Variants in ZNF541 observed in about 807,000 individuals in gnomAD.
ZNF541 encodes zinc finger protein 541.
ZNF541 carries 23 observed loss-of-function variants against 123.5 expected under a neutral mutation model. That is an observed-to-expected ratio of 0.19 (90% CI 0.13 to 0.26). The LOEUF (loss-of-function observed/expected upper bound fraction) is 0.26. ZNF541 is among the 10% of genes least tolerant of loss of function. ZNF541 has a pLI of 1.00. For missense variants in ZNF541, 1,612 were observed against 1,789.9 expected, an observed-to-expected ratio of 0.90 and a Z score of 1.79; for synonymous variants, 751 against 754.5, an observed-to-expected ratio of 1.00 and a Z score of 0.08.
At chr19:47,537,537 C>G (rs1036795800) in intron 9 of ZNF541, among the ~76,000 whole-genome samples, 3 of 141,904 alleles carry the variant, frequency 2.1e-5, no homozygotes, top group African/African-American at 8.2e-5. Context: ...GCACTCTGGC[C>G]TGGGTGATAG....
chr19:47,526,263 C>T (rs746036067), intron 14 of ZNF541, among the ~76,000 whole-genome samples: 5 of 152,064 alleles, frequency 3.3e-5, no homozygotes, highest in Non-Finnish European at 5.9e-5. Flanking sequence ...GGGCAGATCA[C>T]CTGAGGTTGG....
chr19:47,570,346 C>T (rs928065644), intron 2 of ZNF541, among the ~76,000 whole-genome samples: 8 of 149,960 alleles, frequency 5.3e-5, no homozygotes, highest in South Asian at 2.1e-4. Context: ...GGGAGGCTGA[C>T]GCAGGCAGAT....
rs572982048 is a variant in ZNF541, at chr19:47,559,381, A to G, written c.-98-3427T>C. On this transcript the variant is annotated intron_variant, in intron 2 of 16. Transcript: ENST00000391901. ...AGTGAAACTCTATCTCAAAAAAAAG[A>G]AAGAAAGAAAAGAAAGAAAGAAGGA... Among the ~76,000 whole-genome samples, 666 of 151,800 alleles carry G rather than the reference A, an allele frequency of 4.4e-3. 7 individuals are homozygous for G. Among genetic ancestry groups the G allele is most frequent in the South Asian group, 0.024 (113 of 4,804 alleles).
Position 47,538,368 on chromosome 19 carries a change from G to A in ZNF541, c.2868C>T (p.Pro956=). 1 of 1,544,584 alleles carries A rather than the reference G, an allele frequency of 6.5e-7. No individual in the cohort carries two copies. Among genetic ancestry groups the A allele is most frequent in the Non-Finnish European group, 8.7e-7 (1 of 1,143,320 alleles). ...SSQQRKRKKR[P]PPSTAGEPGP... is the part of the protein sequence containing the mutation. ...CAGGCTCCCCAGCCGTGGAGGGTGG[G>A]GGCCGCTTCTTCCGCTTTCTCTGCT... The change falls in exon 9 of 17, where the codon CCC becomes CCT. Residue 956 remains proline (P), a synonymous_variant. Transcript: ENST00000391901.
chr19:47,544,057 C>A, intron 5 of ZNF541, 69 bp downstream of exon 5: 2 of 1,445,890 alleles, frequency 1.4e-6, no homozygotes, highest in Non-Finnish European at 1.8e-6. Flanking sequence ...AATAAAATGC[C>A]TGGACAACTA....
chr19:47,524,301 C>T (rs1170030283), intron 14 of ZNF541, among the ~76,000 whole-genome samples: 1 of 152,180 alleles, frequency 6.6e-6, no homozygotes, highest in African/African-American at 2.4e-5. Context: ...TAACACGGCA[C>T]ATCAGGAGGA....
intron 14 of ZNF541, 41 bp from the exon 15 acceptor site, chr19:47,522,035 G>C (rs1969059527): frequency 1.3e-6 from 2 of 1,545,522 alleles, no homozygotes; most frequent in Admixed American, 2.0e-5. Context: ...GTGCCACGCG[G>C]GCCCTGGGAG....
In ZNF541 at chr19:47,544,987, C is replaced by G. The variant is rs1471842511; in HGVS notation, c.1542G>C (p.Gln514His). Reference sequence around the variant, plus strand: ...CCTGGAGGCCGGGCTCCCCGGGGTTCTGGCACAGGAAGGAGTCGCAGTCGA... The same window carrying G: ...CCTGGAGGCCGGGCTCCCCGGGGTTGTGGCACAGGAAGGAGTCGCAGTCGA... ...VKVDCDSFLC[Q>H]NPGEPGLQEA... is the part of the protein sequence containing the mutation. The change falls in exon 5 of 17, where the codon CAG (glutamine) becomes CAC (histidine). Residue 514 changes from glutamine (Q) to histidine (H), a missense_variant. By Grantham distance (24) the Gln-to-His change is conservative. Around this residue, in one of 5 missense-constraint regions of ZNF541, gnomAD observed 1,080 missense variants for 1,013.8 expected, o/e 1.07. Coordinates refer to ENST00000391901, the MANE Select transcript of ZNF541 (RefSeq NM_001277075.3). 6.5e-7 allele frequency: 1 copy of G among 1,529,162 alleles called. No homozygotes were observed. The highest frequency in any genetic ancestry group is 2.5e-5 in the East Asian group (1 of 40,806). 94.7% of individuals were successfully genotyped at this position (1,529,162 alleles called of 1,614,324 possible).
At chr19:47,556,048 G>A (rs540177347) in intron 2 of ZNF541, among the ~76,000 whole-genome samples, 94 bp from the exon 3 acceptor site, 1 of 152,272 alleles carries the variant, frequency 6.6e-6, no homozygotes, top group East Asian at 1.9e-4. Flanking sequence ...CCTCGATCTG[G>A]GTCTGTTCTC....
intron 2 of ZNF541, among the ~76,000 whole-genome samples, chr19:47,556,771 T>G (rs1970840791): frequency 6.6e-6 from 1 of 151,480 alleles, no homozygotes; most frequent in Non-Finnish European, 1.5e-5. Flanking sequence ...TTTTTTTTTT[T>G]TTTTGAGATG....
chr19:47,538,366 G>C lies in ZNF541; in HGVS notation c.2870C>G (p.Pro957Arg). Reference protein sequence around the residue: ...SQQRKRKKRPPPSTAGEPGPA... With the variant: ...SQQRKRKKRPRPSTAGEPGPA... ...GCCAGGCTCCCCAGCCGTGGAGGGT[G>C]GGGGCCGCTTCTTCCGCTTTCTCTG... is the stretch of plus-strand genomic sequence containing the variant. The change falls in exon 9 of 17, where the codon CCA becomes CGA. Residue 957 changes from proline to arginine, a missense_variant. Transcript: ENST00000391901. The C allele has an allele frequency of 6.5e-7, 1 of 1,544,418 alleles. No homozygotes were observed. The highest frequency in any genetic ancestry group is 8.7e-7 in the Non-Finnish European group (1 of 1,143,186).
At chr19:47,546,336 G>A (rs945143481) in intron 4 of ZNF541, among the ~76,000 whole-genome samples, 8 of 151,708 alleles carry the variant, frequency 5.3e-5, no homozygotes, top group Non-Finnish European at 7.4e-5. Flanking sequence ...GGTAAAACCC[G>A]TCTCTACTAA....
intron 14 of ZNF541, among the ~76,000 whole-genome samples, chr19:47,528,327 A>G (rs1969404182): frequency 6.7e-6 from 1 of 149,584 alleles, no homozygotes; most frequent in African/African-American, 2.4e-5. Context: ...AAAAAAAAAA[A>G]AAAAAAAAGA....
In ZNF541 at chr19:47,545,769, G is replaced by A. The variant is rs1240697514; in HGVS notation, c.760C>T (p.Leu254=). 9 of 1,540,662 alleles carry A rather than the reference G, an allele frequency of 5.8e-6. No individual in the cohort carries two copies. Among genetic ancestry groups the A allele is most frequent in the African/African-American group, 1.4e-5 (1 of 72,962 alleles). ...GCCTCTGGGGGCACCAGGGACCGCA[G>A]GCTGCTGGGGGGCGGCTGGCCGGCC... ...ESAGQPPPSS[L]RSLVPPEARS... The change falls in exon 5 of 17, where the codon CTG becomes TTG. Residue 254 remains leucine, a synonymous_variant. Coordinates refer to ENST00000391901, the MANE Select transcript of ZNF541 (RefSeq NM_001277075.3). The surrounding 1 kb of genome is among the most constrained non-coding windows in gnomAD (Gnocchi z 7.5).
At chr19:47,550,633 C>T (rs1019286758) in intron 3 of ZNF541, among the ~76,000 whole-genome samples, 21 of 152,186 alleles carry the variant, frequency 1.4e-4, no homozygotes, top group Admixed American at 7.9e-4. Flanking sequence ...AGAGGTCAGA[C>T]GTCTTCAAAT....
intron 2 of ZNF541, among the ~76,000 whole-genome samples, chr19:47,565,254 A>G (rs1320901681): frequency 1.3e-5 from 2 of 152,178 alleles, no homozygotes; most frequent in Non-Finnish European, 2.9e-5. Context: ...AATCACCACT[A>G]AAGAACTTAC....
At chr19:47,560,161 A>G (rs1305930570) in intron 2 of ZNF541, among the ~76,000 whole-genome samples, 1 of 152,172 alleles carries the variant, frequency 6.6e-6, no homozygotes. Flanking sequence ...TGCAAACATT[A>G]AAGTCAAATG....
chr19:47,558,718 T>G (rs1970934662), intron 2 of ZNF541, among the ~76,000 whole-genome samples: 2 of 150,880 alleles, frequency 1.3e-5, no homozygotes, highest in South Asian at 4.2e-4. Context: ...TCAGCCGGAT[T>G]ACAGGTGCCC....
upstream of ZNF541, among the ~76,000 whole-genome samples, chr19:47,573,273 G>C (rs946368070): frequency 1.3e-5 from 2 of 151,878 alleles, no homozygotes; most frequent in South Asian, 2.1e-4. Flanking sequence ...GCGGCCTCGC[G>C]CGTGCCTCCT....
Sources: gnomAD v4.1 joint callset for allele counts (sites outside exome capture counted in the v4.1 genomes callset) on GRCh38, gnomAD v4.1.1 for gene constraint, gnomAD v4.1.1 regional missense constraint, Gnocchi (gnomAD v3.1) non-coding constraint, MANE v1.5 for transcripts, NCBI Gene and HGNC (gene_info 2026-07-23, HGNC 2026-07-21) for gene names.